Variants in PP2D1 observed in about 807,000 individuals in gnomAD.
The protein encoded by PP2D1 is protein phosphatase 2C like domain containing 1.
PP2D1 carries 25 observed loss-of-function variants against 30.2 expected under a neutral mutation model. The ratio of observed to expected loss-of-function variants is 0.83; its 90% CI spans 0.60 to 1.16. The LOEUF (loss-of-function observed/expected upper bound fraction) is 1.16. Among genes scored for constraint, PP2D1 ranks in the 50% most tolerant of loss-of-function variants. The probability of loss-of-function intolerance (pLI) is 0.00; values close to 1 mark genes in which losing one functional copy is unlikely to be tolerated. For synonymous variants in PP2D1, 260 were observed against 258.9 expected, an observed-to-expected ratio of 1.00 and a Z score of -0.04; for missense variants, 760 against 742.4, an observed-to-expected ratio of 1.02 and a Z score of -0.28.
chr3:19,980,350 G>GT (rs1373462179), downstream of PP2D1, among the ~76,000 whole-genome samples: 3 of 151,650 alleles, frequency 2.0e-5, no homozygotes, highest in Non-Finnish European at 4.4e-5. Context: ...TTAGTTTTTT[G>GT]TTTTTTTCTG....
At chr3:19,980,199 G>GT (rs1696896630) in intron 3 of PP2D1, 1 of 152,154 alleles carries the variant, frequency 6.6e-6, no homozygotes, top group Non-Finnish European at 1.5e-5. Flanking sequence ...GAAACAATGA[G>GT]TTAATAGGCC....
At position 19,985,490 on chromosome 3, in the gene PP2D1, C is replaced by G; in HGVS notation, c.1783G>C (p.Glu595Gln). ...DTKSFYEGAA[E>Q]YVSHELVNAA... Reference sequence around the variant, plus strand: ...TTTACAAGTTCATGGCTAACATACTCAGCTGCGCCTTCATAGAAACTCTTA... The same window carrying G: ...TTTACAAGTTCATGGCTAACATACTGAGCTGCGCCTTCATAGAAACTCTTA... Residue 595 changes from glutamate (E) to glutamine (Q), a missense_variant, in exon 3 of 3, where the codon GAG (glutamate) becomes CAG (glutamine). Physicochemically the swap from Glu to Gln is conservative, Grantham distance 29. This residue lies in a region of PP2D1 where 369 missense variants were observed against 316.2 expected (regional missense o/e 1.17). Transcript: ENST00000389050. 1 of 1,536,090 alleles carries G rather than the reference C, an allele frequency of 6.5e-7. No individual in the cohort carries two copies.
downstream of PP2D1, among the ~76,000 whole-genome samples, chr3:19,981,778 G>A (rs1005189262): frequency 2.0e-5 from 3 of 152,154 alleles, no homozygotes; most frequent in African/African-American, 7.2e-5. Context: ...GAGCTTGGCA[G>A]AGGTAAAGCC....
chr3:19,992,848 A>G (rs1453528570), intron 2 of PP2D1, among the ~76,000 whole-genome samples: 1 of 152,078 alleles, frequency 6.6e-6, no homozygotes, highest in Non-Finnish European at 1.5e-5. Context: ...TTGAGAAGGG[A>G]AGGGGGCTTC....
chr3:20,007,898 G>T lies in PP2D1; in HGVS notation c.23+4152C>A. Reference sequence around the variant, plus strand: ...ATAATCTCCTAGTTGTAACTTCTGTGACTGCAGGGGTCATGGAATCACCAG... The same window carrying T: ...ATAATCTCCTAGTTGTAACTTCTGTTACTGCAGGGGTCATGGAATCACCAG... On this transcript the variant is annotated intron_variant, in intron 1 of 2. Coordinates refer to ENST00000389050, the MANE Select transcript of PP2D1 (RefSeq NM_001252657.2). 1.8e-5 allele frequency: 4 copies of T among 221,290 alleles called. No individual in the cohort carries two copies. In the South Asian group the frequency reaches 3.3e-4, roughly 18 times the overall value. The allele number at this position is 221,290 out of a possible 1,614,324, so 13.7% of individuals were successfully genotyped here.
intron 2 of PP2D1, among the ~76,000 whole-genome samples, chr3:19,998,135 G>C (rs559083302): frequency 2.6e-5 from 4 of 152,138 alleles, no homozygotes; most frequent in Non-Finnish European, 5.9e-5. Flanking sequence ...TTTGGGACCA[G>C]CCTGACCAGC....
At chr3:19,990,868 A>G (rs1697111335) in intron 2 of PP2D1, among the ~76,000 whole-genome samples, 1 of 151,786 alleles carries the variant, frequency 6.6e-6, no homozygotes, top group Non-Finnish European at 1.5e-5. Context: ...TTATGTCCAC[A>G]TAGTCTGGAG....
At chr3:19,980,349 T>C (rs556774930), downstream of PP2D1, among the ~76,000 whole-genome samples, 11 of 152,366 alleles carry the variant, frequency 7.2e-5, no homozygotes, top group South Asian at 2.1e-3. Flanking sequence ...TTTAGTTTTT[T>C]GTTTTTTTCT....
downstream of PP2D1, chr3:19,984,191 T>TA (rs1487838740): frequency 3.3e-5 from 14 of 421,204 alleles, no homozygotes; most frequent in African/African-American, 1.7e-4. Context: ...AATTGGAACT[T>TA]ACTAATTTGG....
chr3:19,984,290 CT>C (rs1210804489), downstream of PP2D1: 1 of 429,728 alleles, frequency 2.3e-6, no homozygotes, highest in Non-Finnish European at 4.6e-6. Context: ...TTCATTTCTC[CT>C]GGTACCTGTA....
intron 1 of PP2D1, among the ~76,000 whole-genome samples, chr3:20,005,799 A>T (rs1697311139): frequency 6.6e-6 from 1 of 152,208 alleles, no homozygotes; most frequent in Admixed American, 6.5e-5. Flanking sequence ...AAAGTAGAAA[A>T]CAAAAGAATG....
chr3:19,985,630 T>C lies in PP2D1; in HGVS notation c.1643A>G (p.Glu548Gly). ...TTCTGCTGGAAATGTTTCTACATTCTCAGGGTTATAAATACAGTATTTAGA... is the reference window on the plus strand; with the variant it reads ...TTCTGCTGGAAATGTTTCTACATTCCCAGGGTTATAAATACAGTATTTAGA... ...NYSKYCIYNP[E>G]NVETFPAETT... Residue 548 changes from glutamate to glycine, a missense_variant, in exon 3 of 3, where the codon GAG becomes GGG. Coordinates refer to ENST00000389050, the MANE Select transcript of PP2D1 (RefSeq NM_001252657.2). 6.5e-7 allele frequency: 1 copy of C among 1,535,966 alleles called. No homozygotes were observed. Among genetic ancestry groups the C allele is most frequent in the Non-Finnish European group, 8.7e-7 (1 of 1,146,718 alleles).
At chr3:20,003,528 A>C (rs1192653019) in intron 1 of PP2D1, among the ~76,000 whole-genome samples, 1 of 151,968 alleles carries the variant, frequency 6.6e-6, no homozygotes, top group Non-Finnish European at 1.5e-5. Context: ...GGATCACCTG[A>C]GGTCAGGAGT....
chr3:19,992,948 G>T (rs753392688), intron 2 of PP2D1, among the ~76,000 whole-genome samples: 1 of 152,138 alleles, frequency 6.6e-6, no homozygotes, highest in African/African-American at 2.4e-5. Context: ...CAGGAGGACC[G>T]CTTGAGGCTA....
intron 2 of PP2D1, among the ~76,000 whole-genome samples, chr3:19,997,439 C>A (rs543499220): frequency 4.3e-4 from 65 of 151,560 alleles, no homozygotes; most frequent in Middle Eastern, 3.4e-3. Context: ...TTGTTCCCCC[C>A]AAACATCATG....
At chr3:19,994,553 C>T (rs531872783) in intron 2 of PP2D1, among the ~76,000 whole-genome samples, 1 of 152,304 alleles carries the variant, frequency 6.6e-6, no homozygotes, top group Admixed American at 6.5e-5. Context: ...TTGATAGTGT[C>T]AACAGGCAGA....
intron 2 of PP2D1, among the ~76,000 whole-genome samples, chr3:19,986,789 C>G (rs1234881055): frequency 6.6e-6 from 1 of 152,114 alleles, no homozygotes; most frequent in East Asian, 1.9e-4. Context: ...AATCCCAGCA[C>G]TTTGGGAGGC....
intron 1 of PP2D1, among the ~76,000 whole-genome samples, chr3:20,002,795 C>G (rs759689804): frequency 6.6e-6 from 1 of 152,070 alleles, no homozygotes; most frequent in Non-Finnish European, 1.5e-5. Context: ...GTGGCTCACA[C>G]CTGTAATCCC....
intron 2 of PP2D1, among the ~76,000 whole-genome samples, chr3:19,987,769 G>A (rs1010421339): frequency 5.3e-5 from 8 of 152,132 alleles, no homozygotes; most frequent in African/African-American, 1.7e-4. Context: ...AAAATTAGTC[G>A]GGCGTTGTTG....
Sources: gnomAD v4.1 joint callset for allele counts (sites outside exome capture counted in the v4.1 genomes callset) on GRCh38, gnomAD v4.1.1 for gene constraint, gnomAD v4.1.1 regional missense constraint, MANE v1.5 for transcripts, NCBI Gene and HGNC (gene_info 2026-07-23, HGNC 2026-07-21) for gene names.